Variants in RNF13 observed in about 807,000 individuals in gnomAD.
RNF13 encodes ring finger protein 13.
Under a neutral mutation model 37.7 loss-of-function variants are expected in RNF13, and 19 were observed. That is an observed-to-expected ratio of 0.50 (90% CI 0.35 to 0.74). RNF13 has a LOEUF of 0.74. Among genes scored for constraint, RNF13 ranks in the 30% least tolerant of loss-of-function variants. RNF13 has a pLI of 0.01. For missense variants in RNF13, 375 were observed against 453.0 expected (o/e 0.83, Z 1.56); for synonymous variants, 144 against 157.8 (o/e 0.91, Z 0.65).
chr3:149,860,765 G>A (rs532097898), intron 3 of RNF13, among the ~76,000 whole-genome samples: 1 of 152,264 alleles, frequency 6.6e-6, no homozygotes, highest in South Asian at 2.1e-4. Flanking sequence ...ATAGACAAAT[G>A]ATGCTATATT....
intron 7 of RNF13, among the ~76,000 whole-genome samples, chr3:149,914,878 C>T (rs1717348062): frequency 6.6e-6 from 1 of 151,440 alleles, no homozygotes; most frequent in Non-Finnish European, 1.5e-5. Flanking sequence ...GCAGAGGTTG[C>T]AGTGAGCCAA....
At chr3:149,947,622 T>C (rs1455201696) in intron 8 of RNF13, among the ~76,000 whole-genome samples, 1 of 151,994 alleles carries the variant, frequency 6.6e-6, no homozygotes, top group East Asian at 1.9e-4. Flanking sequence ...GCCAGACTGG[T>C]CTCCTGACCT....
chr3:149,948,420 G>A (rs144815445), intron 8 of RNF13, among the ~76,000 whole-genome samples: 1,801 of 152,064 alleles, frequency 0.012, 22 homozygotes, highest in African/African-American at 0.03. Flanking sequence ...CTGTCTTACC[G>A]CTTTGTCTTT....
At chr3:149,951,762 A>G (rs1329232999) in intron 8 of RNF13, among the ~76,000 whole-genome samples, 3 of 152,218 alleles carry the variant, frequency 2.0e-5, no homozygotes, top group African/African-American at 7.2e-5. Context: ...CTTTGCATAC[A>G]TGAATTCAGT....
In RNF13 at chr3:149,913,774, A is replaced by G. The variant is rs189125308; in HGVS notation, c.606+1691A>G. On this transcript the variant is annotated intron_variant, in intron 7 of 9. Transcript: ENST00000392894. ...AGACGTGAAGTGCCCTTCTCATCACATCATATTTGAGGGTATATGGTATCT... is the reference window on the plus strand; with the variant it reads ...AGACGTGAAGTGCCCTTCTCATCACGTCATATTTGAGGGTATATGGTATCT... Among the ~76,000 whole-genome samples the G allele has an allele frequency of 1.2e-4, 19 of 152,290 alleles. No individual in the cohort carries two copies. The East Asian group carries it at 3.7e-3, about 29-fold the overall frequency.
At chr3:149,914,178 G>A (rs966510534) in intron 7 of RNF13, among the ~76,000 whole-genome samples, 3 of 151,710 alleles carry the variant, frequency 2.0e-5, no homozygotes, top group Admixed American at 1.3e-4. Context: ...TTGATTCAAC[G>A]CTATCCCTTT....
intron 3 of RNF13, among the ~76,000 whole-genome samples, chr3:149,864,134 G>A (rs1307248373): frequency 1.3e-5 from 2 of 148,312 alleles, no homozygotes; most frequent in Non-Finnish European, 3.0e-5. Context: ...TAGTGTTGGA[G>A]GTAAGGCACA....
chr3:149,886,580 G>C (rs1714057977), intron 4 of RNF13, among the ~76,000 whole-genome samples: 1 of 152,054 alleles, frequency 6.6e-6, no homozygotes, highest in African/African-American at 2.4e-5. Context: ...TTCCAATCTG[G>C]AAGCATTTTA....
intron 1 of RNF13, among the ~76,000 whole-genome samples, chr3:149,816,538 G>C (rs1468123724): frequency 6.7e-6 from 1 of 149,812 alleles, no homozygotes; most frequent in Non-Finnish European, 1.5e-5. Context: ...TTTTCATTGA[G>C]GATGAGGTCA....
chr3:149,905,772 TCCAATGGGGTTTTTTTTTGTCCTTC>T lies in RNF13; in HGVS notation c.500+3617_500+3641del, dbSNP rs557508434. Among the ~76,000 whole-genome samples, 5 of 152,296 alleles carry T rather than the reference TCCAATGGGGTTTTTTTTTGTCCTTC, an allele frequency of 3.3e-5. No homozygotes were observed. The South Asian group carries it at 1.0e-3, about 32-fold the overall frequency. On this transcript the variant is annotated intron_variant, in intron 6 of 9. Transcript: ENST00000392894. ...CTTTTTCCAAATAGCCATCAGTTAT[TCCAATGGGGTTTTTTTTTGTCCTTC>T]CCAATGAAATTTTTAAAACAATTTT...
Position 149,896,839 on chromosome 3 carries a change from T to A in RNF13, c.409+1279T>A, listed in dbSNP as rs549323793. ...AAATTATAATATGTAAAAAGTAAAA[T>A]TTATTAATACATTTCTTAATTTCTT... On this transcript the variant is annotated intron_variant, in intron 5 of 9. Coordinates refer to ENST00000392894, the MANE Select transcript of RNF13 (RefSeq NM_183381.3). Among the ~76,000 whole-genome samples the A allele has an allele frequency of 6.6e-5, 10 of 152,224 alleles. No homozygotes were observed. In the East Asian group the frequency reaches 1.9e-3, roughly 29 times the overall value.
intron 1 of RNF13, among the ~76,000 whole-genome samples, chr3:149,822,151 T>C (rs990279805): frequency 3.2e-4 from 49 of 152,144 alleles, no homozygotes; most frequent in African/African-American, 1.2e-3. Context: ...CCATATGAAT[T>C]TGAGAATCAG....
chr3:149,830,613 T>C (rs1191638317), intron 1 of RNF13, among the ~76,000 whole-genome samples: 1 of 131,596 alleles, frequency 7.6e-6, no homozygotes, highest in Non-Finnish European at 1.6e-5. Flanking sequence ...GAACTTATGT[T>C]TAAGGGAAGC....
At chr3:149,921,533 T>C (rs1029507444) in intron 8 of RNF13, among the ~76,000 whole-genome samples, 5 of 152,186 alleles carry the variant, frequency 3.3e-5, no homozygotes, top group Admixed American at 1.3e-4. Flanking sequence ...CTTCCACTTA[T>C]GAGTGAGAAC....
chr3:149,910,984 T>C (rs1716941200), intron 6 of RNF13, among the ~76,000 whole-genome samples: 1 of 152,210 alleles, frequency 6.6e-6, no homozygotes, highest in South Asian at 2.1e-4. Flanking sequence ...TAAATGAGAA[T>C]TAAGGCATGT....
At chr3:149,904,627 G>T (rs1192410602) in intron 6 of RNF13, among the ~76,000 whole-genome samples, 1 of 152,078 alleles carries the variant, frequency 6.6e-6, no homozygotes. Context: ...TTTGGCGATT[G>T]CTCCCCTTAC....
intron 8 of RNF13, among the ~76,000 whole-genome samples, chr3:149,922,224 G>A (rs1025011655): frequency 6.6e-6 from 1 of 152,066 alleles, no homozygotes; most frequent in African/African-American, 2.4e-5. Context: ...CATCCACCTC[G>A]GCCTCCCAGA....
At chr3:149,920,707 G>A (rs550551794) in intron 7 of RNF13, among the ~76,000 whole-genome samples, 1 of 150,552 alleles carries the variant, frequency 6.6e-6, no homozygotes, top group Non-Finnish European at 1.5e-5. Context: ...CATTATTTCT[G>A]CCTGTTATTC....
At chr3:149,889,292 C>CGCGTGTGTGT (rs1553761926) in intron 4 of RNF13, among the ~76,000 whole-genome samples, 2 of 138,122 alleles carry the variant, frequency 1.4e-5, no homozygotes, top group Non-Finnish European at 3.1e-5. Context: ...TTTGAGTGTG[C>CGCGTGTGTGT]GTGTGTGTGT....
Sources: allele counts gnomAD v4.1 joint callset (sites outside exome capture counted in the v4.1 genomes callset), GRCh38; gene constraint gnomAD v4.1.1; transcripts MANE v1.5; gene names NCBI Gene and HGNC (gene_info 2026-07-23, HGNC 2026-07-21).